Variants in TACC3 observed in about 807,000 individuals in gnomAD.
TACC3 encodes transforming acidic coiled-coil-containing protein 3.
Under a neutral mutation model 86.0 loss-of-function variants are expected in TACC3, and 52 were observed. The observed-to-expected ratio is 0.60, with a 90% CI of 0.48 to 0.76. TACC3 has a LOEUF of 0.76. TACC3 is among the 30% of genes least tolerant of loss of function. TACC3 has a pLI of 0.00. For synonymous variants in TACC3, 512 were observed against 430.0 expected, an observed-to-expected ratio of 1.19 and a Z score of -2.36; for missense variants, 1,120 against 1,070.4, an observed-to-expected ratio of 1.05 and a Z score of -0.65.
At chr4:1,726,245 C>G (rs1717681782) in intron 3 of TACC3, among the ~76,000 whole-genome samples, 1 of 152,192 alleles carries the variant, frequency 6.6e-6, no homozygotes, top group South Asian at 2.1e-4. Context: ...TCCACTGTAG[C>G]AGGCGCCATC....
chr4:1,730,827 C>T (rs1223130024), intron 4 of TACC3, 60 bp from the exon 5 acceptor site: 8 of 1,551,952 alleles, frequency 5.2e-6, no homozygotes, highest in Non-Finnish European at 7.1e-6. Flanking sequence ...AGTGCTGGAG[C>T]AGGGGACGCC....
At chr4:1,742,786 G>A (rs1276930571) in intron 13 of TACC3, among the ~76,000 whole-genome samples, 1 of 143,560 alleles carries the variant, frequency 7.0e-6, no homozygotes, top group Non-Finnish European at 1.5e-5. Flanking sequence ...GCGACAGAGT[G>A]AGACTCCATC....
Position 1,723,499 on chromosome 4 carries a change from A to G in TACC3, c.78A>G (p.Pro26=), listed in dbSNP as rs1172209847. 1.9e-6 allele frequency: 3 copies of G among 1,613,678 alleles called. No homozygotes were observed. Among genetic ancestry groups the G allele is most frequent in the Admixed American group, 1.7e-5 (1 of 60,000 alleles). ...NTENCDFLFS[P]PEVTGRSSVL... ...AAAATTGCGACTTCCTGTTTTCGCC[A>G]CCAGAAGTTACCGGAAGATCGTCTG... is the stretch of plus-strand genomic sequence containing the variant. The change falls in exon 2 of 16, where the codon CCA becomes CCG. Residue 26 remains proline (P), a synonymous_variant. Coordinates refer to ENST00000313288, the MANE Select transcript of TACC3 (RefSeq NM_006342.3).
rs201212861 is a variant in TACC3 at position 1,728,116 on chromosome 4, C to T, written c.714C>T (p.His238=). 7.0e-5 allele frequency: 113 copies of T among 1,612,372 alleles called. 1 individual carries two copies. The East Asian group carries it at 1.4e-3, about 20-fold the overall frequency. The change falls in exon 4 of 16, where the codon CAC becomes CAT. Residue 238 remains histidine, a synonymous_variant. Transcript: ENST00000313288. ...ACGGAGCCGAGGAGGAATGCCGGCA[C>T]GGTGGGGTCTGTGCTCCCGCAGCAG... is the stretch of plus-strand genomic sequence containing the variant. ...TPHGAEEECR[H]GGVCAPAAVA... is the part of the protein sequence containing the mutation.
Position 1,735,687 on chromosome 4 carries a change from A to C in TACC3, c.1645-44A>C. 1 of 1,493,558 alleles carries C rather than the reference A, an allele frequency of 6.7e-7. No individual in the cohort carries two copies. Among genetic ancestry groups the C allele is most frequent in the Non-Finnish European group, 9.3e-7 (1 of 1,074,004 alleles). The allele number at this position is 1,493,558 out of a possible 1,614,324, so 92.5% of individuals were successfully genotyped here. A position where few individuals can be genotyped will look rare whatever the true frequency, so the allele number is the denominator to read the frequency against. On this transcript the variant is annotated intron_variant, in intron 7 of 15. Transcript: ENST00000313288. This position sits in a 1 kb window ranked among gnomAD's most constrained non-coding sequence, Gnocchi z 4.2. The stretch of plus-strand genomic sequence containing the variant: ...CTGGCCCTTAGCCCCCGTGTGTGTT[A>C]GGGGATGGCAGTCAGACCTGATCAC...
chr4:1,743,501 C>T (rs1370702821), intron 13 of TACC3, among the ~76,000 whole-genome samples: 26 of 151,892 alleles, frequency 1.7e-4, no homozygotes, highest in Middle Eastern at 3.4e-3. Flanking sequence ...TGCAGTGAGC[C>T]GAGATCATGC....
rs1302773987 is a variant in TACC3 at position 1,728,391 on chromosome 4, C to T, written c.989C>T (p.Ser330Phe). The change falls in exon 4 of 16, where the codon TCC becomes TTC. Residue 330 changes from serine to phenylalanine, a missense_variant. Physicochemically the swap from Ser to Phe is radical, Grantham distance 155 (BLOSUM62 -2). Coordinates refer to ENST00000313288, the MANE Select transcript of TACC3 (RefSeq NM_006342.3). ...EEVAAGQMAS[S>F]SRSGPVKLEF... is the part of the protein sequence containing the mutation. ...GTGGCTGCAGGCCAAATGGCCAGCT[C>T]CTCGAGGAGCGGACCTGTAAAACTA... 6 of 1,613,154 alleles carry T rather than the reference C, an allele frequency of 3.7e-6. No homozygotes were observed. The East Asian group carries it at 6.7e-5, about 18-fold the overall frequency.
intron 10 of TACC3, 192 bp downstream of exon 10, chr4:1,737,894 C>T (rs1411085638): frequency 1.4e-6 from 1 of 691,320 alleles, no homozygotes; most frequent in African/African-American, 1.8e-5. Flanking sequence ...GTCCAGGCTT[C>T]CACCCAGTGT....
rs752713913 is a variant in TACC3, at chr4:1,735,851, T to G, written c.1748+17T>G. 1.3e-5 allele frequency: 20 copies of G among 1,550,072 alleles called. No individual in the cohort carries two copies. The East Asian group carries it at 4.3e-4, about 33-fold the overall frequency. ...GACCAGCAGGTATGTGCGCCGGCCC[T>G]CCCTCATGCATGAAGCCTTGAGTGT... On this transcript the variant is annotated intron_variant, in intron 8 of 15. Coordinates refer to ENST00000313288, the MANE Select transcript of TACC3 (RefSeq NM_006342.3). The surrounding 1 kb of genome is among the most constrained non-coding windows in gnomAD (Gnocchi z 4.2).
chr4:1,736,802 T>G (rs1298066469), intron 8 of TACC3, among the ~76,000 whole-genome samples: 1 of 151,742 alleles, frequency 6.6e-6, no homozygotes, highest in Non-Finnish European at 1.5e-5. Flanking sequence ...CCCAGCTACT[T>G]GGGTTGCTGA....
In TACC3 at chr4:1,737,303, A is replaced by C; in HGVS notation, c.1811A>C (p.Asp604Ala). 6.2e-7 allele frequency: 1 copy of C among 1,613,976 alleles called. No homozygotes were observed. The highest frequency in any genetic ancestry group is 8.5e-7 in the Non-Finnish European group (1 of 1,179,966). The change falls in exon 9 of 16, where the codon GAT becomes GCT. Residue 604 changes from aspartate to alanine, a missense_variant. Asp to Ala is a moderately radical substitution (Grantham distance 126). Coordinates refer to ENST00000313288, the MANE Select transcript of TACC3 (RefSeq NM_006342.3). Reference sequence around the variant, plus strand: ...CGGGAAGCCAAGCTTGTGGAGTTCGATTTCTTGGGAGCACTGGACATTCCT... The same window carrying C: ...CGGGAAGCCAAGCTTGTGGAGTTCGCTTTCTTGGGAGCACTGGACATTCCT... ...RPREAKLVEF[D>A]FLGALDIPVP...
chr4:1,728,564 A>T lies in TACC3; in HGVS notation c.1162A>T (p.Ser388Cys), dbSNP rs1160755542. ...PQEVEEDDGR[S>C]GAGEDPPMPA... ...GGAGGTGGAGGAGGACGACGGTAGGAGCGGAGCAGGAGAGGACCCCCCCAT... is the reference window on the plus strand; with the variant it reads ...GGAGGTGGAGGAGGACGACGGTAGGTGCGGAGCAGGAGAGGACCCCCCCAT... The change falls in exon 4 of 16, where the codon AGC becomes TGC. Residue 388 changes from serine (S) to cysteine (C), a missense_variant. Transcript: ENST00000313288. 1 of 1,613,828 alleles carries T rather than the reference A, an allele frequency of 6.2e-7. No individual in the cohort carries two copies. The highest frequency in any genetic ancestry group is 1.7e-5 in the Admixed American group (1 of 59,994).
At chr4:1,739,308 CAAAAAA>C (rs33985489) in intron 10 of TACC3, 56 of 162,628 alleles carry the variant, frequency 3.4e-4, no homozygotes, top group Admixed American at 1.8e-3. Flanking sequence ...ACTCTTGTCT[CAAAAAA>C]AAAAAAAGAG....
rs760976255 is a variant in TACC3, at chr4:1,739,949, C to T, written c.2019-10C>T. On this transcript the variant is annotated splice_polypyrimidine_tract_variant and intron_variant, in intron 11 of 15. Transcript: ENST00000313288. ...GAGGCAATGGCTGTGTGTCTGTTCT[C>T]CTCCCACAGGAAGATCATGGACAGG... 3 of 1,612,814 alleles carry T rather than the reference C, an allele frequency of 1.9e-6. No individual in the cohort carries two copies. The highest frequency in any genetic ancestry group is 2.5e-6 in the Non-Finnish European group (3 of 1,179,736).
At chr4:1,720,771 G>A (rs780186813), upstream of TACC3, 5 of 1,592,708 alleles carry the variant, frequency 3.1e-6, no homozygotes, top group African/African-American at 1.3e-5. The surrounding 1 kb of genome is among the most constrained non-coding windows in gnomAD (Gnocchi z 4.4). Context: ...AACTCGTTGG[G>A]CGTGAACACG....
intron 3 of TACC3, among the ~76,000 whole-genome samples, chr4:1,724,379 CTTTTTTT>C (rs35896374): frequency 2.7e-3 from 292 of 108,334 alleles, no homozygotes; most frequent in African/African-American, 0.01. Context: ...TCATACTTCA[CTTTTTTT>C]TTTTTTTTTT....
At chr4:1,733,124 C>T (rs867354649) in intron 6 of TACC3, among the ~76,000 whole-genome samples, 2 of 152,090 alleles carry the variant, frequency 1.3e-5, no homozygotes, top group South Asian at 4.2e-4. Flanking sequence ...AGACTTCCAG[C>T]GGGTGGGAAG....
chr4:1,723,371 A>G (rs1226053141), intron 1 of TACC3, 50 bp from the exon 2 acceptor site: 10 of 1,584,686 alleles, frequency 6.3e-6, no homozygotes, highest in African/African-American at 1.3e-5. Context: ...TGTCTGGACA[A>G]TGTGGTAGTG....
intron 13 of TACC3, chr4:1,741,422 C>G (rs1274099790): frequency 6.5e-6 from 1 of 154,250 alleles, no homozygotes; most frequent in Non-Finnish European, 1.4e-5. Context: ...GCAAGGCCAC[C>G]CTGGTGTCCT....
Sources: gnomAD v4.1 joint callset for allele counts (sites outside exome capture counted in the v4.1 genomes callset) on GRCh38, gnomAD v4.1.1 for gene constraint, Gnocchi (gnomAD v3.1) non-coding constraint, MANE v1.5 for transcripts, NCBI Gene and HGNC (gene_info 2026-07-23, HGNC 2026-07-21) for gene names.